WNT11: variants seen among roughly 807,000 people sequenced by gnomAD.
The protein encoded by WNT11 is protein Wnt-11.
A neutral mutation model predicts 35.6 loss-of-function variants in WNT11; 20 were observed. That is an observed-to-expected ratio of 0.56 (90% CI 0.40 to 0.82). WNT11 has a LOEUF of 0.82. Among genes scored for constraint, WNT11 ranks in the 40% least tolerant of loss-of-function variants. WNT11 has a pLI of 0.00. For missense variants in WNT11, 459 were observed against 504.4 expected (o/e 0.91, Z 0.86); for synonymous variants, 200 against 211.9 (o/e 0.94, Z 0.49).
chr11:76,191,945 T>TGGG, intron 3 of WNT11, 89 bp from the exon 4 acceptor site: 1 of 1,453,748 alleles, frequency 6.9e-7, no homozygotes, highest in Non-Finnish European at 9.1e-7. Context: ...CATGGCTGGG[T>TGGG]GCTCTCAGGG....
At chr11:76,205,348 G>C (rs1334496893) in intron 1 of WNT11, among the ~76,000 whole-genome samples, 2 of 150,976 alleles carry the variant, frequency 1.3e-5, no homozygotes, top group Non-Finnish European at 2.9e-5. Flanking sequence ...CCAGATTCCA[G>C]ACCCTTGTCC....
At chr11:76,205,733 A>C (rs1255318757) in intron 1 of WNT11, among the ~76,000 whole-genome samples, 1 of 151,976 alleles carries the variant, frequency 6.6e-6, no homozygotes, top group African/African-American at 2.4e-5. Flanking sequence ...CTGCGTGAAT[A>C]ATTTCTATCT....
intron 1 of WNT11, among the ~76,000 whole-genome samples, chr11:76,199,937 A>G (rs1953348962): frequency 6.6e-6 from 1 of 152,156 alleles, no homozygotes; most frequent in African/African-American, 2.4e-5. Context: ...TGGGCAAACT[A>G]TTGCCCCTCT....
chr11:76,209,818 A>G (rs541088755), upstream of WNT11, among the ~76,000 whole-genome samples: 2 of 150,000 alleles, frequency 1.3e-5, no homozygotes, highest in Non-Finnish European at 3.0e-5. Context: ...GGAGGCGTGG[A>G]GCTCGTGCGC....
chr11:76,187,845 C>T (rs1193508903), intron 4 of WNT11, among the ~76,000 whole-genome samples: 4 of 151,922 alleles, frequency 2.6e-5, no homozygotes, highest in Non-Finnish European at 5.9e-5. Flanking sequence ...ACTGGAAGGA[C>T]CCTCCAACCA....
At chr11:76,189,893 G>A (rs867613494) in intron 4 of WNT11, among the ~76,000 whole-genome samples, 47 of 152,328 alleles carry the variant, frequency 3.1e-4, no homozygotes, top group Middle Eastern at 3.4e-3. Context: ...TAATACAGAT[G>A]CCTGCAAGGG....
At chr11:76,192,337 G>T (rs901284794) in intron 3 of WNT11, among the ~76,000 whole-genome samples, 1 of 152,158 alleles carries the variant, frequency 6.6e-6, no homozygotes, top group African/African-American at 2.4e-5. Context: ...CTAAATGCTT[G>T]CTGGAAAAAA....
At chr11:76,208,741 G>A (rs1403833566), upstream of WNT11, among the ~76,000 whole-genome samples, 1 of 152,174 alleles carries the variant, frequency 6.6e-6, no homozygotes, top group Non-Finnish European at 1.5e-5. Context: ...CTCCAGCCCC[G>A]CCCAGCTCTT....
At position 76,194,603 on chromosome 11, in the gene WNT11, T is replaced by A. The variant is rs1325003142; in HGVS notation, c.561A>T (p.Lys187Asn). The change falls in exon 3 of 5, where the codon AAA (lysine) becomes AAT (asparagine). Residue 187 changes from lysine to asparagine, a missense_variant. Coordinates refer to ENST00000322563, the MANE Select transcript of WNT11 (RefSeq NM_004626.3). The surrounding 1 kb of genome is among the most constrained non-coding windows in gnomAD (Gnocchi z 5.4). The part of the protein sequence containing the change: ...KVKKTGSQAN[K>N]LMRLHNSEVG... ...CTTCACTGTTGTGTAGACGCATCAG[T>A]TTATTGGCTTGGGATCCTGTTTTTT... The A allele has an allele frequency of 6.5e-7, 1 of 1,550,080 alleles. No homozygotes were observed. The highest frequency in any genetic ancestry group is 8.7e-7 in the Non-Finnish European group (1 of 1,146,878).
At chr11:76,207,714 G>A (rs1298901641), upstream of WNT11, among the ~76,000 whole-genome samples, 1 of 152,232 alleles carries the variant, frequency 6.6e-6, no homozygotes, top group African/African-American at 2.4e-5. Context: ...AGCGAAGCGG[G>A]GAAGCTCGCG....
At chr11:76,209,422 C>G (rs895828514), upstream of WNT11, among the ~76,000 whole-genome samples, 6 of 152,206 alleles carry the variant, frequency 3.9e-5, no homozygotes, top group East Asian at 1.9e-4. Flanking sequence ...GCGGGGTCCC[C>G]CCTACCCCGA....
upstream of WNT11, among the ~76,000 whole-genome samples, chr11:76,208,899 G>A (rs1422437069): frequency 5.9e-5 from 9 of 152,284 alleles, no homozygotes; most frequent in East Asian, 1.2e-3. Flanking sequence ...AGGCCACGGG[G>A]TCACCTTCCG....
intron 4 of WNT11, among the ~76,000 whole-genome samples, chr11:76,188,196 C>T (rs1174021458): frequency 2.0e-5 from 3 of 152,232 alleles, no homozygotes; most frequent in Non-Finnish European, 4.4e-5. Context: ...GTCAGGCTCT[C>T]CCTCCAGTGT....
In WNT11 at chr11:76,186,903, T is replaced by G; in HGVS notation, c.*162A>C. On this transcript the variant is annotated 3_prime_UTR_variant, in exon 5 of 5. Transcript: ENST00000322563. ...CTTCCAGGGTGGCCAGACCTTCTGT[T>G]CCTGGTGGCTTCCAAGTGAAGGCAA... 9.2e-7 allele frequency: 1 copy of G among 1,090,170 alleles called. No homozygotes were observed. Among genetic ancestry groups the G allele is most frequent in the Non-Finnish European group, 1.4e-6 (1 of 740,736 alleles). The allele number at this position is 1,090,170 out of a possible 1,614,324, so 67.5% of individuals were successfully genotyped here.
At chr11:76,210,046 TC>T (rs1322847090), upstream of WNT11, among the ~76,000 whole-genome samples, 3 of 148,336 alleles carry the variant, frequency 2.0e-5, no homozygotes, top group African/African-American at 7.5e-5. Flanking sequence ...TGCCACCCTT[TC>T]CCCCCGCCCA....
chr11:76,202,591 C>G (rs1490306401), intron 1 of WNT11, among the ~76,000 whole-genome samples: 1 of 152,158 alleles, frequency 6.6e-6, no homozygotes, highest in African/African-American at 2.4e-5. Flanking sequence ...CTTGGGGAAG[C>G]TCTCCCTCCA....
At position 76,186,741 on chromosome 11, in the gene WNT11, G is replaced by A. The variant is rs1299715188; in HGVS notation, c.*324C>T. The A allele has an allele frequency of 9.0e-6, 4 of 443,764 alleles. No homozygotes were observed. The highest frequency in any genetic ancestry group is 1.3e-5 in the Non-Finnish European group (3 of 226,052). The allele number at this position is 443,764 out of a possible 1,614,324, so 27.5% of individuals were successfully genotyped here. A position where few individuals can be genotyped will look rare whatever the true frequency, so the allele number is the denominator to read the frequency against. ...GACCCCTTCCCGGAGGCTGGTCTCT[G>A]TGGCCCTGAAAGGTCAAGTCTGTAT... On this transcript the variant is annotated 3_prime_UTR_variant, in exon 5 of 5. Transcript: ENST00000322563.
intron 1 of WNT11, among the ~76,000 whole-genome samples, chr11:76,199,350 T>C (rs1037384303): frequency 6.6e-6 from 1 of 151,862 alleles, no homozygotes; most frequent in Non-Finnish European, 1.5e-5. Context: ...CCGGGTGTTG[T>C]GGTGCATGCC....
chr11:76,200,916 G>A (rs539687492), intron 1 of WNT11, among the ~76,000 whole-genome samples: 4 of 152,366 alleles, frequency 2.6e-5, no homozygotes, highest in South Asian at 2.1e-4. Context: ...TCTTTCCCTG[G>A]GCTCCGGCTC....
Sources: allele counts gnomAD v4.1 joint callset (sites outside exome capture counted in the v4.1 genomes callset), GRCh38; gene constraint gnomAD v4.1.1; non-coding constraint Gnocchi (gnomAD v3.1); transcripts MANE v1.5; gene names NCBI Gene and HGNC (gene_info 2026-07-23, HGNC 2026-07-21).